The following USP7 variants were observed in gnomAD, a reference collection of about 807,000 sequenced individuals.
USP7 encodes ubiquitin C-terminal hydrolase 7.
In USP7, 9 loss-of-function variants were observed where a neutral mutation model predicts 162.9. The ratio of observed to expected loss-of-function variants is 0.06; its 90% CI spans 0.03 to 0.10. The LOEUF (loss-of-function observed/expected upper bound fraction) is 0.10. Ranked by LOEUF, USP7 falls within the 10% of genes least tolerant of loss-of-function variation. The pLI is 1.00. For synonymous variants in USP7, 562 were observed against 475.9 expected (o/e 1.18, Z -2.35); for missense variants, 715 against 1,373.7 (o/e 0.52, Z 7.58).
intron 3 of USP7, among the ~76,000 whole-genome samples, chr16:8,922,465 C>T (rs939688388): frequency 4.8e-4 from 73 of 152,256 alleles, no homozygotes; most frequent in Admixed American, 4.4e-3. Flanking sequence ...TCCAGCCTGG[C>T]GACAGAGTGA....
intron 10 of USP7, among the ~76,000 whole-genome samples, chr16:8,911,598 G>T (rs933078407): frequency 1.3e-5 from 2 of 152,222 alleles, no homozygotes; most frequent in African/African-American, 4.8e-5. Flanking sequence ...AGGGACAAAT[G>T]AGAGCCCCGT....
intron 11 of USP7, among the ~76,000 whole-genome samples, chr16:8,910,417 G>C (rs1003478063): frequency 6.6e-5 from 10 of 152,242 alleles, no homozygotes; most frequent in African/African-American, 1.9e-4. Context: ...AACTTACTAA[G>C]AAATCCCACT....
rs747177984 is a variant in USP7, at chr16:8,923,401, C to A, written c.197G>T (p.Arg66Leu). The change falls in exon 3 of 31, where the codon CGC (arginine) becomes CTC (leucine). Residue 66 changes from arginine (R) to leucine (L), a missense_variant. Transcript: ENST00000344836. ...EEDMEDDTSW[R>L]SEATFQFTVE... is the part of the protein sequence containing the mutation. ...AGTGAACTGAAAGGTTGCCTCGGAG[C>A]GCCAACTGGTGTCTGCAAAAAAAAC... The A allele has an allele frequency of 6.2e-7, 1 of 1,614,092 alleles. No homozygotes were observed. Among genetic ancestry groups the A allele is most frequent in the Admixed American group, 1.7e-5 (1 of 60,008 alleles).
chr16:8,911,356 T>C (rs1043851446), intron 10 of USP7, among the ~76,000 whole-genome samples: 1 of 152,042 alleles, frequency 6.6e-6, no homozygotes, highest in African/African-American at 2.4e-5. Flanking sequence ...TTTTAGGACA[T>C]AAAAAGCAAA....
chr16:8,919,237 C>A, intron 5 of USP7, 98 bp from the exon 6 acceptor site: 1 of 1,192,188 alleles, frequency 8.4e-7, no homozygotes, highest in Admixed American at 1.8e-5. Context: ...CTTAAGGAAA[C>A]CGAGGCCAGG....
intron 26 of USP7, 26 bp from the exon 27 acceptor site, chr16:8,895,767 G>A: frequency 3.3e-6 from 5 of 1,503,626 alleles, no homozygotes; most frequent in Non-Finnish European, 4.6e-6. Context: ...AAAAAAATAG[G>A]GCAAAATGAA....
chr16:8,916,782 T>C (rs1897393737), intron 7 of USP7, among the ~76,000 whole-genome samples: 1 of 152,200 alleles, frequency 6.6e-6, no homozygotes. Context: ...GGTTCTTGTG[T>C]TGAAAAGTAA....
chr16:8,951,708 G>C (rs1242842451), intron 1 of USP7, among the ~76,000 whole-genome samples: 3 of 152,344 alleles, frequency 2.0e-5, no homozygotes, highest in South Asian at 4.1e-4. Context: ...TCGCAGACAA[G>C]ACTCAGGCCT....
At chr16:8,903,497 A>G (rs1422172520) in intron 15 of USP7, 95 bp from the exon 16 acceptor site, 18 of 1,384,850 alleles carry the variant, frequency 1.3e-5, no homozygotes, top group Admixed American at 2.9e-5. Flanking sequence ...CTGAAAACTC[A>G]TTTTTTGTTC....
At position 8,930,279 on chromosome 16, in the gene USP7, C is replaced by T; in HGVS notation, c.184+14G>A. Reference sequence around the variant, plus strand: ...TTTCCGCCCACTGCGAGGCGGTGAACCACAGGCACTTACCATCCTCCATGT... The same window carrying T: ...TTTCCGCCCACTGCGAGGCGGTGAATCACAGGCACTTACCATCCTCCATGT... On this transcript the variant is annotated intron_variant, in intron 2 of 30. Transcript: ENST00000344836. 1 of 1,603,240 alleles carries T rather than the reference C, an allele frequency of 6.2e-7. No homozygotes were observed. Among genetic ancestry groups the T allele is most frequent in the Non-Finnish European group, 8.5e-7 (1 of 1,173,594 alleles).
intron 30 of USP7, 116 bp from the exon 31 acceptor site, chr16:8,894,220 G>A (rs1002997943): frequency 9.1e-6 from 9 of 985,244 alleles, no homozygotes; most frequent in Middle Eastern, 3.1e-4. Context: ...AGTTCGCAGG[G>A]AAGCCAGGAC....
rs759118863 is a variant in USP7 at position 8,921,340 on chromosome 16, G to C, written c.384-45C>G. 3.8e-6 allele frequency: 6 copies of C among 1,594,180 alleles called. No homozygotes were observed. In the African/African-American group the frequency reaches 8.1e-5, roughly 21 times the overall value. ...GAGCCTTAGTTGACATTATTTACCA[G>C]ATGTTATACATTTTTAAAGACAGTA... On this transcript the variant is annotated intron_variant, in intron 3 of 30. Coordinates refer to ENST00000344836, the MANE Select transcript of USP7 (RefSeq NM_003470.3).
chr16:8,948,500 T>C (rs964566359), intron 1 of USP7, among the ~76,000 whole-genome samples: 2 of 152,138 alleles, frequency 1.3e-5, no homozygotes, highest in Non-Finnish European at 2.9e-5. Context: ...TTAACTCAAC[T>C]TAGTAAGTGA....
intron 1 of USP7, among the ~76,000 whole-genome samples, chr16:8,939,018 AGTT>A (rs1265887083): frequency 6.6e-6 from 1 of 152,074 alleles, no homozygotes; most frequent in Non-Finnish European, 1.5e-5. Flanking sequence ...CCCTTTTCCT[AGTT>A]TCCCCTTACA....
intron 11 of USP7, among the ~76,000 whole-genome samples, chr16:8,908,668 T>C (rs2141186430): frequency 6.6e-6 from 1 of 152,348 alleles, no homozygotes; most frequent in African/African-American, 2.4e-5. Flanking sequence ...CAGCACTGAC[T>C]GTGAGAGATT....
intron 1 of USP7, among the ~76,000 whole-genome samples, chr16:8,943,068 T>G (rs1255975869): frequency 6.6e-6 from 1 of 152,178 alleles, no homozygotes; most frequent in Non-Finnish European, 1.5e-5. Context: ...TTGCTCTATA[T>G]GCTGAAATAA....
rs778536548 is a variant in USP7, at chr16:8,916,989, G to C, written c.851+37C>G. On this transcript the variant is annotated intron_variant, in intron 7 of 30. Coordinates refer to ENST00000344836, the MANE Select transcript of USP7 (RefSeq NM_003470.3). ...TGTCCTAAAAAAAAAAAAAAAAAGA[G>C]GAAGCAGAATGGCAAAGGCAGATGT... 6 of 1,454,614 alleles carry C rather than the reference G, an allele frequency of 4.1e-6. No homozygotes were observed. In the South Asian group the frequency reaches 6.1e-5, roughly 15 times the overall value. 90.1% of individuals were successfully genotyped at this position (1,454,614 alleles called of 1,614,324 possible).
At chr16:8,897,125 T>C (rs1479002575) in intron 25 of USP7, 26 bp from the exon 26 acceptor site, 4 of 1,564,330 alleles carry the variant, frequency 2.6e-6, no homozygotes, top group Admixed American at 3.4e-5. Flanking sequence ...ATAAAATAAG[T>C]GCTTTCAAGA....
chr16:8,925,057 C>T (rs1897915720), intron 2 of USP7, among the ~76,000 whole-genome samples: 1 of 152,138 alleles, frequency 6.6e-6, no homozygotes, highest in Admixed American at 6.5e-5. Context: ...TAAGTTTTGC[C>T]ATGTGCTTTT....
Sources: allele counts gnomAD v4.1 joint callset (sites outside exome capture counted in the v4.1 genomes callset), GRCh38; gene constraint gnomAD v4.1.1; transcripts MANE v1.5; gene names NCBI Gene and HGNC (gene_info 2026-07-23, HGNC 2026-07-21).